Variants in WDR7 observed in about 807,000 individuals in gnomAD.
WDR7 encodes WD repeat-containing protein 7.
A neutral mutation model predicts 169.4 loss-of-function variants in WDR7; 46 were observed. The ratio of observed to expected loss-of-function variants is 0.27; its 90% CI spans 0.21 to 0.35. The LOEUF (loss-of-function observed/expected upper bound fraction) is 0.35, where lower values mean the gene tolerates loss of function less well. Among genes scored for constraint, WDR7 ranks in the 10% least tolerant of loss-of-function variants. The pLI, the probability that WDR7 is intolerant of heterozygous loss-of-function variation, is 1.00. For missense variants in WDR7, 1,534 were observed against 1,859.3 expected, an observed-to-expected ratio of 0.83 and a Z score of 3.22; for synonymous variants, 612 against 666.8, an observed-to-expected ratio of 0.92 and a Z score of 1.27.
intron 26 of WDR7, among the ~76,000 whole-genome samples, chr18:57,013,392 A>G (rs2048164014): frequency 6.6e-6 from 1 of 152,192 alleles, no homozygotes. Flanking sequence ...TTACCCTTCC[A>G]TGTACAATTT....
intron 20 of WDR7, among the ~76,000 whole-genome samples, chr18:56,865,129 A>G (rs1415820616): frequency 6.6e-6 from 1 of 151,998 alleles, no homozygotes; most frequent in Non-Finnish European, 1.5e-5. Flanking sequence ...CTAAGTGCTA[A>G]TAAGTACTTA....
chr18:56,880,036 A>G lies in WDR7; in HGVS notation c.3397A>G (p.Ile1133Val). 1 of 1,614,124 alleles carries G rather than the reference A, an allele frequency of 6.2e-7. No homozygotes were observed. Among genetic ancestry groups the G allele is most frequent in the Non-Finnish European group, 8.5e-7 (1 of 1,179,988 alleles). The stretch of plus-strand genomic sequence containing the variant: ...TACCGCTATTGTTTTACTTGGAGTA[A>G]TAGGAGCTGAATTTGGTGCTGAAAT... ...QATAIVLLGV[I>V]GAEFGAEIEP... Residue 1133 changes from isoleucine to valine, a missense_variant, in exon 21 of 28, where the codon ATA becomes GTA. Ile to Val is a conservative substitution (Grantham distance 29). Coordinates refer to ENST00000254442, the MANE Select transcript of WDR7 (RefSeq NM_015285.3).
chr18:56,987,119 G>A (rs748894644), intron 26 of WDR7, among the ~76,000 whole-genome samples: 28 of 151,878 alleles, frequency 1.8e-4, no homozygotes, highest in Non-Finnish European at 2.6e-4. Flanking sequence ...TGTTTTGAGC[G>A]CTTCCACCTG....
chr18:56,822,392 T>G (rs2045114843), intron 20 of WDR7, among the ~76,000 whole-genome samples: 1 of 152,222 alleles, frequency 6.6e-6, no homozygotes, highest in South Asian at 2.1e-4. Context: ...ATGTCTAGTC[T>G]GAGACTAAAT....
rs1398054563 is a variant in WDR7 at position 57,029,379 on chromosome 18, T to A, written c.*2172T>A. ...TGGACGATGTTTGATGATTAGACGGTCATCTCTAACTACTAAACTAATATC... is the reference window on the plus strand; with the variant it reads ...TGGACGATGTTTGATGATTAGACGGACATCTCTAACTACTAAACTAATATC... On this transcript the variant is annotated 3_prime_UTR_variant, in exon 28 of 28. Transcript: ENST00000254442. 6.6e-6 allele frequency: 1 copy of A among 152,190 alleles called. No homozygotes were observed. Among genetic ancestry groups the A allele is most frequent in the Non-Finnish European group, 1.5e-5 (1 of 68,032 alleles). 9.4% of individuals were successfully genotyped at this position (152,190 alleles called of 1,614,324 possible).
At chr18:56,688,271 G>A (rs1312494424) in intron 7 of WDR7, among the ~76,000 whole-genome samples, 3 of 152,098 alleles carry the variant, frequency 2.0e-5, no homozygotes, top group Admixed American at 2.0e-4. Context: ...TGGGCCATAT[G>A]GTGAAAGGAA....
At chr18:56,843,809 TCA>T (rs1413156555) in intron 20 of WDR7, among the ~76,000 whole-genome samples, 2 of 152,026 alleles carry the variant, frequency 1.3e-5, no homozygotes, top group Admixed American at 1.3e-4. Flanking sequence ...CATTATAGTC[TCA>T]GTTTCTCCAC....
At chr18:57,001,036 C>T (rs1346174735) in intron 26 of WDR7, among the ~76,000 whole-genome samples, 3 of 147,608 alleles carry the variant, frequency 2.0e-5, no homozygotes, top group African/African-American at 7.5e-5. Flanking sequence ...CATGAGACCC[C>T]ATCTCTACAA....
chr18:56,825,711 A>T (rs1383199308), intron 20 of WDR7, among the ~76,000 whole-genome samples: 1 of 152,222 alleles, frequency 6.6e-6, no homozygotes, highest in Admixed American at 6.5e-5. Flanking sequence ...TTTGTGATAT[A>T]TAGAAATTTC....
chr18:56,789,702 C>T (rs74812310), intron 19 of WDR7, among the ~76,000 whole-genome samples: 2,081 of 152,310 alleles, frequency 0.014, 47 homozygotes, highest in African/African-American at 0.048. Flanking sequence ...CTTCATGTCC[C>T]CCTTTTCTCA....
At chr18:56,874,218 A>G (rs967481061) in intron 20 of WDR7, among the ~76,000 whole-genome samples, 5 of 152,196 alleles carry the variant, frequency 3.3e-5, no homozygotes, top group Non-Finnish European at 7.3e-5. Context: ...AATGTTAAAT[A>G]TCACTTTTTC....
At chr18:56,756,557 C>G (rs1189977853) in intron 14 of WDR7, 26 bp from the exon 15 acceptor site, 1 of 1,506,066 alleles carries the variant, frequency 6.6e-7, no homozygotes, top group East Asian at 2.4e-5. Flanking sequence ...TTAATTATAA[C>G]TATCTTTTAA....
intron 26 of WDR7, among the ~76,000 whole-genome samples, chr18:56,969,596 A>C (rs2047455642): frequency 6.6e-6 from 1 of 152,206 alleles, no homozygotes; most frequent in Non-Finnish European, 1.5e-5. Flanking sequence ...ACTCTATACT[A>C]ATAGGTGAAG....
intron 7 of WDR7, among the ~76,000 whole-genome samples, chr18:56,687,479 T>C (rs1482975751): frequency 6.6e-6 from 1 of 152,220 alleles, no homozygotes; most frequent in Admixed American, 6.5e-5. Context: ...CTAGCACTTT[T>C]TTCAAAGCTT....
Position 56,706,643 on chromosome 18 carries a change from G to T in WDR7, c.1578+10181G>T, listed in dbSNP as rs141690864. Among the ~76,000 whole-genome samples the T allele has an allele frequency of 1.6e-3, 236 of 151,918 alleles. 1 individual carries two copies. The highest frequency in any genetic ancestry group is 5.6e-3 in the African/African-American group (231 of 41,448). On this transcript the variant is annotated intron_variant, in intron 12 of 27. Transcript: ENST00000254442. ...ATGCCTAAATCTGGGCAGTTTGTAC[G>T]TTCATTTTCAGTACTCAAATGACTT...
chr18:56,804,843 T>C (rs1214709806), intron 19 of WDR7, among the ~76,000 whole-genome samples: 2 of 152,250 alleles, frequency 1.3e-5, no homozygotes, highest in Non-Finnish European at 2.9e-5. Flanking sequence ...TGAGGAACTT[T>C]CACCATTTTT....
At chr18:56,938,399 CAA>C (rs2046987425) in intron 23 of WDR7, 132 bp from the exon 24 acceptor site, 2 of 1,158,042 alleles carry the variant, frequency 1.7e-6, no homozygotes, top group South Asian at 3.4e-5. Context: ...TTTTTGTAAA[CAA>C]AAGTATTTTC....
intron 19 of WDR7, among the ~76,000 whole-genome samples, chr18:56,806,159 A>G (rs961328780): frequency 7.9e-5 from 12 of 152,046 alleles, no homozygotes; most frequent in Non-Finnish European, 1.5e-4. Flanking sequence ...ATAAATCTGT[A>G]TTTTCATTAT....
intron 12 of WDR7, among the ~76,000 whole-genome samples, chr18:56,706,355 G>A (rs1301044872): frequency 1.3e-5 from 2 of 152,194 alleles, no homozygotes; most frequent in Non-Finnish European, 2.9e-5. Flanking sequence ...CTCTGCTGTA[G>A]GCATATGGAG....
Sources: gnomAD v4.1 joint callset for allele counts (sites outside exome capture counted in the v4.1 genomes callset) on GRCh38, gnomAD v4.1.1 for gene constraint, MANE v1.5 for transcripts, NCBI Gene and HGNC (gene_info 2026-07-23, HGNC 2026-07-21) for gene names.